The following CHIC1 variants were observed in gnomAD, a reference collection of about 807,000 sequenced individuals.
The protein encoded by CHIC1 is cysteine-rich hydrophobic domain-containing protein 1.
CHIC1 carries 7 observed loss-of-function variants against 18.5 expected under a neutral mutation model. The observed-to-expected ratio is 0.38, with a 90% CI of 0.22 to 0.71. The LOEUF (loss-of-function observed/expected upper bound fraction) is 0.71, where lower values mean the gene tolerates loss of function less well. Ranked by LOEUF, CHIC1 falls within the 30% of genes least tolerant of loss-of-function variation. CHIC1 has a pLI of 0.49. For synonymous variants in CHIC1, 77 were observed against 73.5 expected, an observed-to-expected ratio of 1.05 and a Z score of -0.25; for missense variants, 159 against 176.9, an observed-to-expected ratio of 0.90 and a Z score of 0.57.
At chrX:73,667,276 A>G (rs2058008808) in intron 3 of CHIC1, among the ~76,000 whole-genome samples, 1 of 112,098 alleles carries the variant, frequency 8.9e-6, no homozygotes, top group Admixed American at 9.4e-5. Context: ...TGAAGACACC[A>G]TACCAATATG....
intron 3 of CHIC1, among the ~76,000 whole-genome samples, chrX:73,677,176 G>T (rs1014654870): frequency 7.1e-5 from 8 of 112,119 alleles, no homozygotes; most frequent in Non-Finnish European, 9.4e-5. Context: ...CTACTCGGGG[G>T]TCAGGGACCC....
intron 3 of CHIC1, among the ~76,000 whole-genome samples, chrX:73,619,139 G>A (rs1359104030): frequency 8.9e-6 from 1 of 112,007 alleles, no homozygotes; most frequent in Non-Finnish European, 1.9e-5. Context: ...CTTTGGGGAC[G>A]CACAGGTTTT....
chrX:73,627,452 G>C (rs1167617642), intron 3 of CHIC1, among the ~76,000 whole-genome samples: 1 of 112,775 alleles, frequency 8.9e-6, no homozygotes, highest in Non-Finnish European at 1.9e-5. Flanking sequence ...TCAGGGACTA[G>C]AGTCAAAAAC....
At chrX:73,577,323 A>G in intron 1 of CHIC1, 84 bp from the exon 2 acceptor site, 1 of 711,077 alleles carries the variant, frequency 1.4e-6, no homozygotes, top group Non-Finnish European at 2.0e-6. Flanking sequence ...AGAAAAATGC[A>G]TGGGTTTATA....
intron 3 of CHIC1, among the ~76,000 whole-genome samples, chrX:73,665,732 G>T (rs2058001448): frequency 9.0e-6 from 1 of 111,361 alleles, no homozygotes; most frequent in African/African-American, 3.3e-5. Flanking sequence ...CTGACCAGCA[G>T]ACCCTGGCAG....
At chrX:73,656,703 G>A (rs1363819663) in intron 3 of CHIC1, among the ~76,000 whole-genome samples, 2 of 112,045 alleles carry the variant, frequency 1.8e-5, no homozygotes, top group African/African-American at 3.3e-5. Flanking sequence ...GATTACTGTA[G>A]CCTTGTAGTA....
At chrX:73,584,948 A>G (rs2057545919) in intron 3 of CHIC1, among the ~76,000 whole-genome samples, 1 of 111,851 alleles carries the variant, frequency 8.9e-6, no homozygotes. Context: ...AGAGTAACCT[A>G]CAAAGTTTGC....
At chrX:73,591,438 T>TA (rs1350875700) in intron 3 of CHIC1, among the ~76,000 whole-genome samples, 1 of 111,147 alleles carries the variant, frequency 9.0e-6, no homozygotes, top group Non-Finnish European at 1.9e-5. Flanking sequence ...GTTGAGTTGT[T>TA]AAAGAGTTAT....
chrX:73,596,258 G>A (rs1301639007), intron 3 of CHIC1, among the ~76,000 whole-genome samples: 1 of 111,277 alleles, frequency 9.0e-6, no homozygotes, highest in Non-Finnish European at 1.9e-5. Context: ...GCCAAATCAT[G>A]AGTGAACTCC....
In CHIC1 at chrX:73,665,495, G is replaced by T. The variant is rs186512222; in HGVS notation, c.508-13831G>T. Among the ~76,000 whole-genome samples, 340 of 111,202 alleles carry T rather than the reference G, an allele frequency of 3.1e-3. 1 individual carries two copies. The highest frequency in any genetic ancestry group is 0.011 in the African/African-American group (324 of 30,615). The stretch of plus-strand genomic sequence containing the variant: ...CCTTAATTGAGCCTGCAAAACCGAG[G>T]CTCCACTAGCTTTAAGCAGCTGTTT... On this transcript the variant is annotated intron_variant, in intron 3 of 5. Coordinates refer to ENST00000373502, the MANE Select transcript of CHIC1 (RefSeq NM_001039840.4).
chrX:73,610,123 G>A (rs2057700842), intron 3 of CHIC1, among the ~76,000 whole-genome samples: 1 of 109,128 alleles, frequency 9.2e-6, no homozygotes, highest in Non-Finnish European at 1.9e-5. Flanking sequence ...ACATGAGTGA[G>A]AACCTGCACT....
chrX:73,664,518 C>T (rs780345142), intron 3 of CHIC1, among the ~76,000 whole-genome samples: 1 of 111,089 alleles, frequency 9.0e-6, no homozygotes, highest in South Asian at 3.9e-4. Flanking sequence ...TTGATGTTAG[C>T]ATTTTCATAA....
At chrX:73,597,130 G>A (rs1173900532) in intron 3 of CHIC1, among the ~76,000 whole-genome samples, 1 of 111,936 alleles carries the variant, frequency 8.9e-6, no homozygotes, top group Non-Finnish European at 1.9e-5. Flanking sequence ...TCAGATTTAT[G>A]GAGATCCTCA....
At chrX:73,594,268 T>G (rs2057596347) in intron 3 of CHIC1, among the ~76,000 whole-genome samples, 1 of 110,993 alleles carries the variant, frequency 9.0e-6, no homozygotes, top group African/African-American at 3.3e-5. Flanking sequence ...CCTCCTGGGT[T>G]CAAGCAATTC....
At chrX:73,662,089 A>T (rs2057983687) in intron 3 of CHIC1, among the ~76,000 whole-genome samples, 1 of 110,226 alleles carries the variant, frequency 9.1e-6, no homozygotes, top group African/African-American at 3.3e-5. Context: ...AATAATAAAA[A>T]AAAAGAAGTA....
Position 73,609,417 on chromosome X carries a change from T to G in CHIC1, c.507+24845T>G, listed in dbSNP as rs924177641. On this transcript the variant is annotated intron_variant, in intron 3 of 5. Coordinates refer to ENST00000373502, the MANE Select transcript of CHIC1 (RefSeq NM_001039840.4). ...GTTTGGTGTCTTTTGTTTTGTTTTG[T>G]TTTAGACCATTTCTTGCTCTCTTGC... Among the ~76,000 whole-genome samples the G allele has an allele frequency of 7.3e-5, 8 of 109,016 alleles. No individual in the cohort carries two copies. The East Asian group carries it at 2.3e-3, about 31-fold the overall frequency. The allele number at this position is 109,016 out of a possible 115,157, so 94.7% of individuals were successfully genotyped here. A position where few individuals can be genotyped will look rare whatever the true frequency, so the allele number is the denominator to read the frequency against.
chrX:73,595,575 T>C (rs906641426), intron 3 of CHIC1, among the ~76,000 whole-genome samples: 4 of 111,734 alleles, frequency 3.6e-5, no homozygotes, highest in African/African-American at 1.3e-4. Flanking sequence ...AGTCTAATAT[T>C]GATGGACATT....
chrX:73,648,026 T>C (rs753968865), intron 3 of CHIC1, among the ~76,000 whole-genome samples: 1 of 111,555 alleles, frequency 9.0e-6, no homozygotes, highest in South Asian at 3.8e-4. Context: ...CACCCAACTT[T>C]GCTGTTCTCC....
Position 73,685,235 on chromosome X carries a change from C to A in CHIC1, c.*4230C>A, listed in dbSNP as rs1437705105. 1 of 111,484 alleles carries A rather than the reference C, an allele frequency of 9.0e-6. No individual in the cohort carries two copies. The highest frequency in any genetic ancestry group is 3.3e-5 in the African/African-American group (1 of 30,697). The allele number at this position is 111,484 out of a possible 1,213,427, so 9.2% of individuals were successfully genotyped here. The stretch of plus-strand genomic sequence containing the variant: ...TGACGTGTTAATTATCACACAGACT[C>A]CAAGAACCTGATGCTTGCTAGACCT... On this transcript the variant is annotated 3_prime_UTR_variant, in exon 6 of 6. Transcript: ENST00000373502.
Sources: allele counts gnomAD v4.1 joint callset (sites outside exome capture counted in the v4.1 genomes callset), GRCh38; gene constraint gnomAD v4.1.1; transcripts MANE v1.5; gene names NCBI Gene and HGNC (gene_info 2026-07-23, HGNC 2026-07-21).